Variants in POLN observed in about 807,000 individuals in gnomAD.
The protein encoded by POLN is DNA polymerase N.
A neutral mutation model predicts 113.5 loss-of-function variants in POLN; 108 were observed. The observed-to-expected ratio is 0.95, with a 90% CI of 0.81 to 1.12. The LOEUF (loss-of-function observed/expected upper bound fraction) is 1.12. POLN is among the 50% of genes most tolerant of loss of function. The pLI, the probability that POLN is intolerant of heterozygous loss-of-function variation, is 0.00. For synonymous variants in POLN, 386 were observed against 391.5 expected (o/e 0.99, Z 0.17); for missense variants, 1,097 against 1,077.1 (o/e 1.02, Z -0.26).
Position 2,219,325 on chromosome 4 carries a change from T to G in POLN, c.134-6199A>C, listed in dbSNP as rs73796975. Among the ~76,000 whole-genome samples, 343 of 152,168 alleles carry G rather than the reference T, an allele frequency of 2.3e-3. 1 individual carries two copies. Among genetic ancestry groups the G allele is most frequent in the African/African-American group, 7.8e-3 (324 of 41,494 alleles). ...TTCCCCCTTGTATAAGTTCCCAGAG[T>G]AAATGGCCACAGGTTTCCCTGGCGG... On this transcript the variant is annotated intron_variant, in intron 3 of 25. Coordinates refer to ENST00000511885, the MANE Select transcript of POLN (RefSeq NM_181808.4).
chr4:2,229,850 A>C (rs1183140408), intron 2 of POLN: 1 of 152,212 alleles, frequency 6.6e-6, no homozygotes, highest in Admixed American at 6.5e-5. Context: ...ATAAATAAAT[A>C]AATAAATCTT....
Position 2,071,949 on chromosome 4 carries a change from A to G in POLN, c.*165T>C. The G allele has an allele frequency of 1.2e-6, 1 of 819,108 alleles. No homozygotes were observed. The highest frequency in any genetic ancestry group is 2.1e-6 in the Non-Finnish European group (1 of 476,806). The allele number at this position is 819,108 out of a possible 1,614,324, so 50.7% of individuals were successfully genotyped here. A position where few individuals can be genotyped will look rare whatever the true frequency, so the allele number is the denominator to read the frequency against. ...CCACTCACAGGAAGAATTCACTCAG[A>G]CAAGGATGAGGAGGGCTTTGCACAG... is the stretch of plus-strand genomic sequence containing the variant. On this transcript the variant is annotated 3_prime_UTR_variant, in exon 26 of 26. Transcript: ENST00000511885. This position sits in a 1 kb window ranked among gnomAD's most constrained non-coding sequence, Gnocchi z 5.2.
intron 7 of POLN, among the ~76,000 whole-genome samples, chr4:2,184,157 GTT>G (rs59107300): frequency 2.9e-5 from 4 of 135,714 alleles, no homozygotes; most frequent in Admixed American, 7.4e-5. Context: ...CCCAGCCAAA[GTT>G]TTTTTTTTTT....
intron 18 of POLN, 76 bp downstream of exon 18, chr4:2,129,103 T>G: frequency 1.2e-6 from 1 of 818,684 alleles, no homozygotes; most frequent in South Asian, 1.6e-5. Context: ...ATGAATTCCA[T>G]AAGTACCTTT....
chr4:2,216,858 T>C (rs1734125085), intron 3 of POLN, among the ~76,000 whole-genome samples: 1 of 152,114 alleles, frequency 6.6e-6, no homozygotes, highest in African/African-American at 2.4e-5. Flanking sequence ...TGCAGAGAAA[T>C]AGCTAGGTCA....
chr4:2,083,889 C>T (rs534806803), intron 21 of POLN, among the ~76,000 whole-genome samples: 33 of 152,316 alleles, frequency 2.2e-4, no homozygotes, highest in Middle Eastern at 3.4e-3. Context: ...TTGTTTTTGA[C>T]ATGTTTACAA....
chr4:2,204,551 C>T (rs1472872401), intron 5 of POLN, among the ~76,000 whole-genome samples: 2 of 152,150 alleles, frequency 1.3e-5, no homozygotes, highest in Non-Finnish European at 2.9e-5. Flanking sequence ...CACTATTCCA[C>T]AAGATAGAGA....
intron 19 of POLN, among the ~76,000 whole-genome samples, chr4:2,125,675 G>A (rs1221506698): frequency 1.3e-5 from 2 of 152,130 alleles, no homozygotes; most frequent in Non-Finnish European, 2.9e-5. Context: ...TTCCTAAGGG[G>A]GCAGCTGATG....
intron 16 of POLN, among the ~76,000 whole-genome samples, chr4:2,138,445 C>G (rs963052957): frequency 5.9e-5 from 9 of 152,122 alleles, no homozygotes; most frequent in Admixed American, 2.0e-4. Flanking sequence ...AAGGCTGGCA[C>G]CAAGATGTGC....
intron 20 of POLN, chr4:2,090,600 A>G (rs1348652336): frequency 9.0e-6 from 4 of 443,440 alleles, no homozygotes; most frequent in African/African-American, 2.1e-5. Flanking sequence ...AGCCTCGAAC[A>G]TTCCGATGCT....
At chr4:2,223,404 G>C (rs1338276502) in intron 3 of POLN, among the ~76,000 whole-genome samples, 1 of 152,166 alleles carries the variant, frequency 6.6e-6, no homozygotes, top group African/African-American at 2.4e-5. Flanking sequence ...AGCAAGAACT[G>C]TACTGTGAAC....
Position 2,176,353 on chromosome 4 carries a change from A to AT in POLN, c.1180-20dup, listed in dbSNP as rs1295258405. On this transcript the variant is annotated intron_variant, in intron 8 of 25. Coordinates refer to ENST00000511885, the MANE Select transcript of POLN (RefSeq NM_181808.4). ...TCTGATTCTTTAAAAGAGCAAAAGT[A>AT]TTTTTAAAAATCAGATAAACTTGGT... is the stretch of plus-strand genomic sequence containing the variant. 41 of 1,562,832 alleles carry AT rather than the reference A, an allele frequency of 2.6e-5. No individual in the cohort carries two copies. The highest frequency in any genetic ancestry group is 3.6e-5 in the Non-Finnish European group (41 of 1,152,616).
chr4:2,116,011 C>T (rs1485364664), intron 19 of POLN, among the ~76,000 whole-genome samples: 1 of 152,212 alleles, frequency 6.6e-6, no homozygotes, highest in Non-Finnish European at 1.5e-5. Context: ...CCATCCCATT[C>T]CAGCTTTCTG....
At chr4:2,083,626 C>T (rs1017850701) in intron 21 of POLN, among the ~76,000 whole-genome samples, 4 of 152,252 alleles carry the variant, frequency 2.6e-5, no homozygotes, top group African/African-American at 4.8e-5. Context: ...AGGTGCCTTC[C>T]GGCCCTGGCC....
At chr4:2,194,758 C>A (rs1391369675) in intron 6 of POLN, among the ~76,000 whole-genome samples, 4 of 152,060 alleles carry the variant, frequency 2.6e-5, no homozygotes, top group Admixed American at 6.6e-5. Context: ...GTGGTGCATG[C>A]CTGTAGTCCT....
At chr4:2,148,437 C>T (rs1378943148) in intron 16 of POLN, among the ~76,000 whole-genome samples, 5 of 151,922 alleles carry the variant, frequency 3.3e-5, no homozygotes, top group East Asian at 1.9e-4. Flanking sequence ...GGGAGGCCGA[C>T]GCGGGTAGAT....
At chr4:2,129,363 A>G (rs914598284) in intron 17 of POLN, 107 bp from the exon 18 acceptor site, 2 of 703,700 alleles carry the variant, frequency 2.8e-6, no homozygotes, top group Non-Finnish European at 4.8e-6. Flanking sequence ...CAGAGTTAAG[A>G]TTTTAAATTT....
chr4:2,174,617 G>T, intron 10 of POLN, 74 bp downstream of exon 10: 1 of 1,252,094 alleles, frequency 8.0e-7, no homozygotes, highest in South Asian at 1.2e-5. Context: ...GTAAGGTATG[G>T]AGAAATGTTC....
rs1334608118 is a variant in POLN, at chr4:2,081,649, C to T, written c.2292G>A (p.Val764=). Residue 764 remains valine (V), a synonymous_variant, in exon 22 of 26, where the codon GTG becomes GTA. Coordinates refer to ENST00000511885, the MANE Select transcript of POLN (RefSeq NM_181808.4). ...TTCTGGTACCTTGCACCACGAAGTT[C>T]ACTGCCTGTCGCTCTGCTTGTGCCC... is the stretch of plus-strand genomic sequence containing the variant. The part of the protein sequence containing the change: ...QLRAQAERQA[V]NFVVQGSAAD... 1.2e-6 allele frequency: 2 copies of T among 1,614,220 alleles called. No homozygotes were observed. Among genetic ancestry groups the T allele is most frequent in the Admixed American group, 1.7e-5 (1 of 60,030 alleles).
Sources: allele counts gnomAD v4.1 joint callset (sites outside exome capture counted in the v4.1 genomes callset), GRCh38; gene constraint gnomAD v4.1.1; non-coding constraint Gnocchi (gnomAD v3.1); transcripts MANE v1.5; gene names NCBI Gene and HGNC (gene_info 2026-07-23, HGNC 2026-07-21).